TBC1D4: variants seen among roughly 807,000 people sequenced by gnomAD.
TBC1D4 encodes the protein TBC1 domain family member 4.
TBC1D4 carries 121 observed loss-of-function variants against 142.5 expected under a neutral mutation model. That is an observed-to-expected ratio of 0.85 (90% CI 0.73 to 0.99). The LOEUF is 0.99. TBC1D4 is among the 50% of genes least tolerant of loss of function. The pLI is 0.00. For missense variants in TBC1D4, 1,475 were observed against 1,606.6 expected, an observed-to-expected ratio of 0.92 and a Z score of 1.40; for synonymous variants, 630 against 628.2, an observed-to-expected ratio of 1.00 and a Z score of -0.04.
At chr13:75,310,207 G>T in intron 13 of TBC1D4, 56 bp from the exon 14 acceptor site, 1 of 1,534,602 alleles carries the variant, frequency 6.5e-7, no homozygotes, top group Non-Finnish European at 8.9e-7. Context: ...GACTACCCAA[G>T]TTTCTGTAGA....
chr13:75,295,205 G>A (rs1458253232), intron 17 of TBC1D4, among the ~76,000 whole-genome samples, 192 bp from the exon 18 acceptor site: 1 of 152,146 alleles, frequency 6.6e-6, no homozygotes, highest in African/African-American at 2.4e-5. Flanking sequence ...GCAAGTCACT[G>A]AAAGTCTATC....
At chr13:75,315,019 C>T (rs1878157450) in intron 12 of TBC1D4, among the ~76,000 whole-genome samples, 2 of 149,244 alleles carry the variant, frequency 1.3e-5, no homozygotes, top group South Asian at 4.3e-4. Flanking sequence ...TAGAAAAACT[C>T]CCTGAGGCTG....
chr13:75,411,264 G>C (rs1314497217), intron 1 of TBC1D4, among the ~76,000 whole-genome samples: 1 of 152,126 alleles, frequency 6.6e-6, no homozygotes, highest in African/African-American at 2.4e-5. Context: ...ATGATATAAT[G>C]TGATGAAATA....
chr13:75,443,510 A>G (rs998726903), intron 1 of TBC1D4, among the ~76,000 whole-genome samples: 1 of 152,236 alleles, frequency 6.6e-6, no homozygotes, highest in Non-Finnish European at 1.5e-5. Flanking sequence ...AGCAGATAAT[A>G]AAACACCTAT....
intron 1 of TBC1D4, among the ~76,000 whole-genome samples, chr13:75,472,236 T>C (rs991190605): frequency 6.6e-6 from 1 of 151,390 alleles, no homozygotes; most frequent in South Asian, 2.1e-4. Context: ...CTGGCCAACA[T>C]GGTGAAACTC....
intron 1 of TBC1D4, among the ~76,000 whole-genome samples, chr13:75,400,633 A>ATTTTTT (rs71201178): frequency 2.1e-5 from 3 of 141,276 alleles, no homozygotes; most frequent in African/African-American, 7.9e-5. Flanking sequence ...AATTTTTTGT[A>ATTTTTT]TTTTTTTTTT....
chr13:75,400,702 G>A (rs7326830), intron 1 of TBC1D4, among the ~76,000 whole-genome samples: 142,276 of 151,160 alleles, frequency 0.94, 67,558 homozygotes, highest in East Asian at 1. Flanking sequence ...TCCTGACCTC[G>A]TGATCCACCT....
intron 7 of TBC1D4, among the ~76,000 whole-genome samples, chr13:75,340,190 A>G (rs1880566000): frequency 6.6e-6 from 1 of 152,238 alleles, no homozygotes; most frequent in African/African-American, 2.4e-5. Flanking sequence ...AAGGTTCTCA[A>G]GAAATGCTTG....
intron 17 of TBC1D4, among the ~76,000 whole-genome samples, chr13:75,298,553 C>A (rs1375596590): frequency 6.6e-6 from 1 of 152,146 alleles, no homozygotes; most frequent in African/African-American, 2.4e-5. Flanking sequence ...GAGTTCAACA[C>A]CAGCCTGGCC....
At chr13:75,435,072 C>T (rs1886741790) in intron 1 of TBC1D4, among the ~76,000 whole-genome samples, 1 of 151,820 alleles carries the variant, frequency 6.6e-6, no homozygotes, top group Non-Finnish European at 1.5e-5. Context: ...ATATAATTAC[C>T]TGCAAGAGAG....
intron 1 of TBC1D4, among the ~76,000 whole-genome samples, chr13:75,365,577 A>G (rs1467452186): frequency 6.6e-6 from 1 of 152,252 alleles, no homozygotes; most frequent in African/African-American, 2.4e-5. Context: ...ACTTGTACAT[A>G]CATACAATAT....
At chr13:75,302,219 T>C (rs1876635323) in intron 16 of TBC1D4, 24 bp downstream of exon 16, 3 of 1,613,972 alleles carry the variant, frequency 1.9e-6, no homozygotes, top group Non-Finnish European at 2.5e-6. Flanking sequence ...CTTTTGTAAA[T>C]TATAATCCAC....
At chr13:75,471,686 C>T (rs1334147108) in intron 1 of TBC1D4, among the ~76,000 whole-genome samples, 1 of 149,848 alleles carries the variant, frequency 6.7e-6, no homozygotes, top group African/African-American at 2.5e-5. Flanking sequence ...TGCAGTGAGC[C>T]GAGATTGGGC....
chr13:75,361,291 A>G (rs1327844386), intron 2 of TBC1D4, among the ~76,000 whole-genome samples: 1 of 152,184 alleles, frequency 6.6e-6, no homozygotes, highest in Non-Finnish European at 1.5e-5. Flanking sequence ...AAGTCTCTGG[A>G]GTTTTTTCTT....
intron 1 of TBC1D4, among the ~76,000 whole-genome samples, chr13:75,443,224 GAATGA>G (rs148156997): frequency 0.04 from 6,161 of 152,212 alleles, 168 homozygotes; most frequent in Middle Eastern, 0.065. Flanking sequence ...TAGCTATGAA[GAATGA>G]AAAGGCAAGA....
At chr13:75,468,292 C>A (rs1347087107) in intron 1 of TBC1D4, among the ~76,000 whole-genome samples, 1 of 152,130 alleles carries the variant, frequency 6.6e-6, no homozygotes, top group Non-Finnish European at 1.5e-5. Context: ...CTTACCAAAG[C>A]CATTCTCAAG....
intron 4 of TBC1D4, among the ~76,000 whole-genome samples, chr13:75,352,368 G>A (rs996182082): frequency 5.9e-5 from 9 of 151,812 alleles, no homozygotes; most frequent in African/African-American, 2.2e-4. Context: ...CAAATTCTGG[G>A]TCTTGGGCAG....
rs772373595 is a variant in TBC1D4, at chr13:75,362,364, G to T, written c.742C>A (p.Pro248Thr). The change falls in exon 2 of 21, where the codon CCA (proline) becomes ACA (threonine). Residue 248 changes from proline to threonine, a missense_variant. By Grantham distance (38) the Pro-to-Thr change is conservative. Around this residue, in one of 2 missense-constraint regions of TBC1D4, gnomAD observed 1,227 missense variants for 1,267.7 expected, o/e 0.97. Transcript: ENST00000377636. This position sits in a 1 kb window ranked among gnomAD's most constrained non-coding sequence, Gnocchi z 4.2. ...KIQGEQRGPD[P>T]GEDLADLEVV... Reference sequence around the variant, plus strand: ...TCCAAGTCAGCCAGGTCCTCTCCTGGGTCCGGACCGCGCTGCTCCCCTTGG... The same window carrying T: ...TCCAAGTCAGCCAGGTCCTCTCCTGTGTCCGGACCGCGCTGCTCCCCTTGG... 6.2e-7 allele frequency: 1 copy of T among 1,614,206 alleles called. No homozygotes were observed. The highest frequency in any genetic ancestry group is 1.1e-5 in the South Asian group (1 of 91,084).
At chr13:75,371,348 C>T (rs527804648) in intron 1 of TBC1D4, among the ~76,000 whole-genome samples, 1 of 152,216 alleles carries the variant, frequency 6.6e-6, no homozygotes, top group South Asian at 2.1e-4. Flanking sequence ...ATTGCTGGAG[C>T]AATCTCCTTA....
Sources: allele counts gnomAD v4.1 joint callset (sites outside exome capture counted in the v4.1 genomes callset), GRCh38; gene constraint gnomAD v4.1.1; regional missense constraint gnomAD v4.1.1; non-coding constraint Gnocchi (gnomAD v3.1); transcripts MANE v1.5; gene names NCBI Gene and HGNC (gene_info 2026-07-23, HGNC 2026-07-21).